CACNG5: variants seen among roughly 807,000 people sequenced by gnomAD.
CACNG5 encodes the protein calcium voltage-gated channel auxiliary subunit gamma 5.
A neutral mutation model predicts 24.8 loss-of-function variants in CACNG5; 18 were observed. That is an observed-to-expected ratio of 0.73 (90% confidence interval 0.50 to 1.08). The LOEUF (loss-of-function observed/expected upper bound fraction) is 1.08. Ranked by LOEUF, CACNG5 falls within the 50% of genes least tolerant of loss-of-function variation. The pLI, the probability that CACNG5 is intolerant of heterozygous loss-of-function variation, is 0.00. For missense variants in CACNG5, 349 were observed against 367.9 expected, an observed-to-expected ratio of 0.95 and a Z score of 0.42; for synonymous variants, 157 against 149.1, an observed-to-expected ratio of 1.05 and a Z score of -0.39.
At chr17:66,880,493 C>T (rs1977142635) in intron 3 of CACNG5, 64 bp from the exon 4 acceptor site, 1 of 1,602,614 alleles carries the variant, frequency 6.2e-7, no homozygotes. Context: ...ACACTCAACT[C>T]AGGATGATGA....
chr17:66,837,211 T>C (rs1450148657), intron 1 of CACNG5, among the ~76,000 whole-genome samples: 2 of 152,214 alleles, frequency 1.3e-5, no homozygotes, highest in Non-Finnish European at 2.9e-5. Context: ...CTCTCTGACA[T>C]TGGACTTGAG....
rs1233766121 is a variant in CACNG5, at chr17:66,893,359, CCTT to C, written c.*8122_*8124del. ...AAGCCTCTACACGTTAATCCTGACTCCTTCTCTCCCATCTCTACTCATGATGCC... is the reference window on the plus strand; with the variant it reads ...AAGCCTCTACACGTTAATCCTGACTCCTCTCCCATCTCTACTCATGATGCC... On this transcript the variant is annotated 3_prime_UTR_variant, in exon 6 of 6. Coordinates refer to ENST00000533854, the MANE Select transcript of CACNG5 (RefSeq NM_145811.3). 6.6e-6 allele frequency among the ~76,000 whole-genome samples: 1 copy of C among 152,158 alleles called. No homozygotes were observed. Among genetic ancestry groups the C allele is most frequent in the Non-Finnish European group, 1.5e-5 (1 of 68,030 alleles).
At chr17:66,878,194 T>C (rs1977110919) in intron 2 of CACNG5, among the ~76,000 whole-genome samples, 1 of 152,232 alleles carries the variant, frequency 6.6e-6, no homozygotes, top group African/African-American at 2.4e-5. Context: ...TTTATCCCTT[T>C]ATCATGACCC....
At chr17:66,856,329 TA>T (rs557482186) in intron 1 of CACNG5, among the ~76,000 whole-genome samples, 9 of 152,194 alleles carry the variant, frequency 5.9e-5, no homozygotes, top group Non-Finnish European at 1.3e-4. Context: ...TTTAAATAAT[TA>T]AACTTTTGAT....
intron 1 of CACNG5, among the ~76,000 whole-genome samples, chr17:66,856,085 G>A (rs1172965859): frequency 6.6e-6 from 1 of 152,172 alleles, no homozygotes; most frequent in Admixed American, 6.5e-5. Flanking sequence ...TCTTTGCAGA[G>A]AGGCATGTTG....
chr17:66,837,398 C>T (rs1384021795), intron 1 of CACNG5, among the ~76,000 whole-genome samples: 1 of 152,216 alleles, frequency 6.6e-6, no homozygotes, highest in East Asian at 1.9e-4. Context: ...ACTTCTGTCC[C>T]CAGCTTCTGC....
At chr17:66,878,924 A>G (rs1408827911) in intron 2 of CACNG5, 48 bp from the exon 3 acceptor site, 1 of 1,480,388 alleles carries the variant, frequency 6.8e-7, no homozygotes, top group African/African-American at 1.4e-5. Flanking sequence ...GACCAACTTC[A>G]AATCCATGTT....
At position 66,877,350 on chromosome 17, in the gene CACNG5, G is replaced by A. The variant is rs762571272; in HGVS notation, c.18G>A (p.Arg6=). The change falls in exon 2 of 6, where the codon AGG becomes AGA. Residue 6 remains arginine (R), a synonymous_variant. Transcript: ENST00000533854. MSACG[R]KALTLLSSVF... ...CCAGGAAGATGAGTGCCTGCGGGAGGAAGGCCCTGACCCTGCTGAGCAGTG... is the reference window on the plus strand; with the variant it reads ...CCAGGAAGATGAGTGCCTGCGGGAGAAAGGCCCTGACCCTGCTGAGCAGTG... 2.0e-5 allele frequency: 32 copies of A among 1,613,990 alleles called. No individual in the cohort carries two copies. Among genetic ancestry groups the A allele is most frequent in the Middle Eastern group, 1.7e-4 (1 of 6,056 alleles).
At chr17:66,851,237 G>A (rs984101578) in intron 1 of CACNG5, among the ~76,000 whole-genome samples, 14 of 152,192 alleles carry the variant, frequency 9.2e-5, no homozygotes, top group Admixed American at 7.2e-4. Context: ...CCCCCAGGGG[G>A]AGAAATCCTG....
Position 66,884,585 on chromosome 17 carries a change from A to G in CACNG5, c.494A>G (p.Lys165Arg), listed in dbSNP as rs1345590564. The G allele has an allele frequency of 1.9e-6, 3 of 1,614,040 alleles. No homozygotes were observed. Among genetic ancestry groups the G allele is most frequent in the African/African-American group, 2.7e-5 (2 of 74,906 alleles). ...AACGATGAGATGCTCAACAGGACCA[A>G]GGATGCAGAGACCTACTTCAACTAC... The part of the protein sequence containing the change: ...SINDEMLNRT[K>R]DAETYFNYKY... The change falls in exon 5 of 6, where the codon AAG (lysine) becomes AGG (arginine). Residue 165 changes from lysine to arginine, a missense_variant. By Grantham distance (26) the Lys-to-Arg change is conservative. Transcript: ENST00000533854.
At chr17:66,842,193 C>T (rs1976579130) in intron 1 of CACNG5, among the ~76,000 whole-genome samples, 1 of 152,022 alleles carries the variant, frequency 6.6e-6, no homozygotes, top group African/African-American at 2.4e-5. Flanking sequence ...GGGGGAGTGG[C>T]TTATCAGCCT....
chr17:66,861,425 T>G (rs1976857030), intron 1 of CACNG5, among the ~76,000 whole-genome samples: 1 of 152,250 alleles, frequency 6.6e-6, no homozygotes, highest in Non-Finnish European at 1.5e-5. Flanking sequence ...TTAATCATAG[T>G]GCCTACTGCA....
chr17:66,854,979 G>A (rs1361562347), intron 1 of CACNG5, among the ~76,000 whole-genome samples: 1 of 152,210 alleles, frequency 6.6e-6, no homozygotes, highest in African/African-American at 2.4e-5. Flanking sequence ...GATTCTCACT[G>A]TGATTGATAA....
chr17:66,876,979 C>CTGAATGAA (rs3834579), intron 1 of CACNG5, among the ~76,000 whole-genome samples: 2,626 of 149,106 alleles, frequency 0.018, 27 homozygotes, highest in Non-Finnish European at 0.022. Flanking sequence ...CAATGGGTTG[C>CTGAATGAA]TGAATGAATG....
intron 3 of CACNG5, among the ~76,000 whole-genome samples, chr17:66,879,775 T>C (rs1176061287): frequency 1.3e-5 from 2 of 152,194 alleles, no homozygotes; most frequent in Admixed American, 1.3e-4. Flanking sequence ...TCAACTGAGC[T>C]TTGGTGTCCA....
chr17:66,859,007 G>A (rs1003813968), intron 1 of CACNG5, among the ~76,000 whole-genome samples: 2 of 152,152 alleles, frequency 1.3e-5, no homozygotes, highest in Non-Finnish European at 2.9e-5. Flanking sequence ...CCTTTGCTGT[G>A]GCTCCTATAT....
chr17:66,863,385 C>G (rs56139836), intron 1 of CACNG5, among the ~76,000 whole-genome samples: 130,935 of 151,862 alleles, frequency 0.86, 56,591 homozygotes, highest in East Asian at 0.97. Context: ...TTGTTGTTTT[C>G]AGATGGAGTC....
intron 1 of CACNG5, among the ~76,000 whole-genome samples, chr17:66,836,972 C>T (rs1011354103): frequency 2.0e-5 from 3 of 152,198 alleles, no homozygotes; most frequent in African/African-American, 7.2e-5. Flanking sequence ...AAGAGACTGG[C>T]CTTAGGTTGT....
chr17:66,849,219 C>T (rs1220736454), intron 1 of CACNG5, among the ~76,000 whole-genome samples: 3 of 150,710 alleles, frequency 2.0e-5, no homozygotes, highest in East Asian at 2.0e-4. Flanking sequence ...CTCTTCCCTC[C>T]GGATGGGAAC....
Sources: allele counts gnomAD v4.1 joint callset (sites outside exome capture counted in the v4.1 genomes callset), GRCh38; gene constraint gnomAD v4.1.1; transcripts MANE v1.5; gene names NCBI Gene and HGNC (gene_info 2026-07-23, HGNC 2026-07-21).